The following GCNT2 variants were observed in gnomAD, a reference collection of about 807,000 sequenced individuals.
The protein encoded by GCNT2 is N-acetyllactosaminide beta-1,6-N-acetylglucosaminyl-transferase.
In GCNT2, 34 loss-of-function variants were observed where a neutral mutation model predicts 34.2. The ratio of observed to expected loss-of-function variants is 1.00; its 90% confidence interval spans 0.76 to 1.32. The LOEUF is 1.32. GCNT2 is among the 40% of genes most tolerant of loss of function. GCNT2 has a pLI of 0.00. For missense variants in GCNT2, 584 were observed against 489.4 expected (o/e 1.19, Z -1.82); for synonymous variants, 212 against 188.0 (o/e 1.13, Z -1.04).
intron 3 of GCNT2, among the ~76,000 whole-genome samples, chr6:10,558,234 C>G (rs1429813086): frequency 6.6e-6 from 1 of 152,102 alleles, no homozygotes; most frequent in East Asian, 1.9e-4. Flanking sequence ...ATTAACTGCT[C>G]CTCAGTGCTT....
intron 3 of GCNT2, among the ~76,000 whole-genome samples, chr6:10,560,882 G>A (rs1762946744): frequency 6.6e-6 from 1 of 152,160 alleles, no homozygotes; most frequent in Admixed American, 6.5e-5. Flanking sequence ...CTCCTTTTCA[G>A]GGGAACCAGG....
chr6:10,617,216 G>C (rs1486784184), intron 3 of GCNT2, among the ~76,000 whole-genome samples: 3 of 152,202 alleles, frequency 2.0e-5, no homozygotes, highest in Non-Finnish European at 4.4e-5. Context: ...CTGGGAGGCA[G>C]CTAAGGCCCA....
At chr6:10,547,569 C>G (rs1203412348) in intron 3 of GCNT2, among the ~76,000 whole-genome samples, 2 of 152,200 alleles carry the variant, frequency 1.3e-5, no homozygotes, top group East Asian at 3.8e-4. Flanking sequence ...ATGATGATGA[C>G]TTTTTATCAC....
intron 3 of GCNT2, among the ~76,000 whole-genome samples, chr6:10,568,826 A>G (rs886866430): frequency 6.6e-6 from 1 of 152,068 alleles, no homozygotes; most frequent in Non-Finnish European, 1.5e-5. Context: ...TGTTTGTGCC[A>G]TTGCCTTCCA....
chr6:10,581,539 G>T (rs560066899), intron 3 of GCNT2, among the ~76,000 whole-genome samples: 4 of 152,028 alleles, frequency 2.6e-5, no homozygotes, highest in Admixed American at 6.6e-5. Flanking sequence ...CAAAATGCTG[G>T]GATTACCGGC....
At chr6:10,536,658 G>A (rs1761770725) in intron 3 of GCNT2, among the ~76,000 whole-genome samples, 1 of 150,432 alleles carries the variant, frequency 6.6e-6, no homozygotes, top group South Asian at 2.1e-4. Context: ...CCGGTCTCTT[G>A]TCAACTTCTA....
chr6:10,570,408 C>T (rs1038674399), intron 3 of GCNT2, among the ~76,000 whole-genome samples: 5 of 152,202 alleles, frequency 3.3e-5, no homozygotes, highest in African/African-American at 1.2e-4. Flanking sequence ...AATGTATTCT[C>T]CCATAATCTT....
chr6:10,582,199 T>A (rs1764108901), intron 3 of GCNT2, among the ~76,000 whole-genome samples: 1 of 122,806 alleles, frequency 8.1e-6, no homozygotes, highest in Admixed American at 9.5e-5. Flanking sequence ...TTATATAATA[T>A]ATAAAATTTA....
intron 3 of GCNT2, among the ~76,000 whole-genome samples, chr6:10,613,340 G>A (rs1765634941): frequency 6.6e-6 from 1 of 151,926 alleles, no homozygotes; most frequent in Admixed American, 6.6e-5. Context: ...GAGAGAATTG[G>A]ATTTTATAGT....
intron 3 of GCNT2, among the ~76,000 whole-genome samples, chr6:10,578,571 C>T (rs1162450269): frequency 2.6e-5 from 4 of 150,954 alleles, no homozygotes; most frequent in African/African-American, 4.9e-5. Flanking sequence ...CTCAGCCTCC[C>T]GCGTAGGTGG....
chr6:10,617,154 G>C (rs1285683175), intron 3 of GCNT2, among the ~76,000 whole-genome samples: 2 of 152,190 alleles, frequency 1.3e-5, no homozygotes, highest in East Asian at 1.9e-4. Flanking sequence ...AGCCCATGGC[G>C]GTCGGGGGGA....
intron 3 of GCNT2, 114 bp downstream of exon 3, chr6:10,529,950 T>G: frequency 5.5e-6 from 5 of 913,124 alleles, no homozygotes; most frequent in Non-Finnish European, 8.5e-6. Context: ...CGGTTTTAAA[T>G]GTCAAATTAA....
intron 3 of GCNT2, among the ~76,000 whole-genome samples, chr6:10,591,459 G>A (rs1352167257): frequency 2.6e-5 from 4 of 152,188 alleles, no homozygotes; most frequent in South Asian, 2.1e-4. Flanking sequence ...AAGAATTAGC[G>A]AGCCCCACTT....
rs1381647552 is a variant in GCNT2 at position 10,529,228 on chromosome 6, A to T, written c.317A>T (p.Asp106Val). 9 of 1,614,062 alleles carry T rather than the reference A, an allele frequency of 5.6e-6. No individual in the cohort carries two copies. The highest frequency in any genetic ancestry group is 1.3e-5 in the African/African-American group (1 of 74,936). Residue 106 changes from aspartate (D) to valine (V), a missense_variant, in exon 3 of 5, where the codon GAC (aspartate) becomes GTC (valine). By Grantham distance (152) the Asp-to-Val change is radical (BLOSUM62 -3). Coordinates refer to ENST00000495262, the MANE Select transcript of GCNT2 (RefSeq NM_145649.5). ...GCTTACACAGTGACCATCCACAAAG[A>T]CTTCGGCACTTTTGAGAGGCTCTTC... Reference protein sequence around the residue: ...PLAYTVTIHKDFGTFERLFRA... With the variant: ...PLAYTVTIHKVFGTFERLFRA...
intron 3 of GCNT2, chr6:10,585,627 T>G: frequency 2.9e-6 from 1 of 343,232 alleles, no homozygotes; most frequent in Non-Finnish European, 5.1e-6. Flanking sequence ...TCGGCTCCAG[T>G]GAAAAGGACC....
At chr6:10,569,271 A>ACACACACACACACACACACACACACACC (rs1561806901) in intron 3 of GCNT2, among the ~76,000 whole-genome samples, 1 of 142,470 alleles carries the variant, frequency 7.0e-6, no homozygotes, top group African/African-American at 2.7e-5. Flanking sequence ...ACACACACAC[A>ACACACACACACACACACACACACACACC]CACCCCCTAG....
chr6:10,529,308 A>G lies in GCNT2; in HGVS notation c.397A>G (p.Thr133Ala), dbSNP rs770292810. Residue 133 changes from threonine (T) to alanine (A), a missense_variant, in exon 3 of 5, where the codon ACG (threonine) becomes GCG (alanine). Physicochemically the swap from Thr to Ala is moderately conservative, Grantham distance 58 (BLOSUM62 0). Coordinates refer to ENST00000495262, the MANE Select transcript of GCNT2 (RefSeq NM_145649.5). ...CTGTGTGCACCTGGATCAGAAGGCG[A>G]CGGATGCCTTTAAAGGTGCAGTGAA... ...VYCVHLDQKA[T>A]DAFKGAVKQL... The G allele has an allele frequency of 3.7e-6, 6 of 1,614,146 alleles. No homozygotes were observed. Among genetic ancestry groups the G allele is most frequent in the Non-Finnish European group, 5.1e-6 (6 of 1,180,028 alleles).
Position 10,542,893 on chromosome 6 carries a change from C to CTTTTTT in GCNT2, c.925+13077_925+13082dup, listed in dbSNP as rs869251646. 3.7e-3 allele frequency among the ~76,000 whole-genome samples: 303 copies of CTTTTTT among 82,180 alleles called. 6 individuals are homozygous for CTTTTTT. The highest frequency in any genetic ancestry group is 0.013 in the African/African-American group (255 of 19,628). The allele number at this position is 82,180 out of a possible 152,430, so 53.9% of individuals were successfully genotyped here. ...GAAACTGCTGGTCCCTATGTTAATT[C>CTTTTTT]TTTTTTTTTTTTTTTTTTTTTTTTT... On this transcript the variant is annotated intron_variant, in intron 3 of 4. Transcript: ENST00000495262.
At chr6:10,622,440 C>T (rs748315202) in intron 4 of GCNT2, among the ~76,000 whole-genome samples, 1 of 151,948 alleles carries the variant, frequency 6.6e-6, no homozygotes, top group South Asian at 2.1e-4. Context: ...TCCCTCTGTG[C>T]GTGTCTGTGT....
Sources: allele counts gnomAD v4.1 joint callset (sites outside exome capture counted in the v4.1 genomes callset), GRCh38; gene constraint gnomAD v4.1.1; transcripts MANE v1.5; gene names NCBI Gene and HGNC (gene_info 2026-07-23, HGNC 2026-07-21).